The following TMC8 variants were observed in gnomAD, a reference collection of about 807,000 sequenced individuals.
TMC8 encodes transmembrane channel-like protein 8.
A neutral mutation model predicts 76.0 loss-of-function variants in TMC8; 71 were observed. The ratio of observed to expected loss-of-function variants is 0.93; its 90% confidence interval spans 0.77 to 1.14. The LOEUF (loss-of-function observed/expected upper bound fraction) is 1.14, where lower values mean the gene tolerates loss of function less well. Ranked by LOEUF, TMC8 falls within the 50% of genes most tolerant of loss-of-function variation. The pLI is 0.00. For missense variants in TMC8, 924 were observed against 947.9 expected, an observed-to-expected ratio of 0.97 and a Z score of 0.33; for synonymous variants, 433 against 433.8, an observed-to-expected ratio of 1.00 and a Z score of 0.02.
chr17:78,137,524 A>G (rs2075265740), intron 10 of TMC8, 166 bp downstream of exon 10: 8 of 1,310,028 alleles, frequency 6.1e-6, no homozygotes, highest in Non-Finnish European at 8.7e-6. Flanking sequence ...CTGCTGCCAC[A>G]TGGTGTAGTG....
chr17:78,131,843 G>C (rs1024333150), intron 2 of TMC8, 39 bp from the exon 3 acceptor site: 1 of 1,477,386 alleles, frequency 6.8e-7, no homozygotes, highest in South Asian at 1.3e-5. Flanking sequence ...TGGGCAGGGC[G>C]GGTGACTCAG....
At chr17:78,133,600 T>G in intron 6 of TMC8, 58 bp downstream of exon 6, 1 of 1,601,512 alleles carries the variant, frequency 6.2e-7, no homozygotes, top group Non-Finnish European at 8.5e-7. Flanking sequence ...TGATCACCCC[T>G]TCCTTGGCAG....
At chr17:78,131,789 G>A (rs1285738628) in intron 2 of TMC8, 52 bp downstream of exon 2, 1 of 1,542,520 alleles carries the variant, frequency 6.5e-7, no homozygotes, top group South Asian at 1.2e-5. Flanking sequence ...CTGCGAGGCT[G>A]CCCCGTCGGA....
rs1488855413 is a variant in TMC8, at chr17:78,131,999, G to A, written c.267G>A (p.Gly89=). ...CGCAGCGGCTGGCCCGGGGCCTTGGGCTCTGGGAGGGGGCGCTCTACGAGA... is the reference window on the plus strand; with the variant it reads ...CGCAGCGGCTGGCCCGGGGCCTTGGACTCTGGGAGGGGGCGCTCTACGAGA... ...EAAQRLARGL[G]LWEGALYEIG... The change falls in exon 3 of 16, where the codon GGG becomes GGA. Residue 89 remains glycine (G), a synonymous_variant. Transcript: ENST00000318430. 1 of 1,531,984 alleles carries A rather than the reference G, an allele frequency of 6.5e-7. No individual in the cohort carries two copies. The highest frequency in any genetic ancestry group is 1.4e-5 in the African/African-American group (1 of 72,880). The allele number at this position is 1,531,984 out of a possible 1,614,324, so 94.9% of individuals were successfully genotyped here. A position where few individuals can be genotyped will look rare whatever the true frequency, so the allele number is the denominator to read the frequency against.
At chr17:78,135,642 G>C (rs546033952) in intron 9 of TMC8, among the ~76,000 whole-genome samples, 2 of 152,148 alleles carry the variant, frequency 1.3e-5, no homozygotes, top group Admixed American at 6.5e-5. Flanking sequence ...AGAAATTCTT[G>C]TGTAAAGCCC....
chr17:78,131,753 G>A lies in TMC8; in HGVS notation c.149+16G>A, dbSNP rs1203713014. On this transcript the variant is annotated intron_variant, in intron 2 of 15. Coordinates refer to ENST00000318430, the MANE Select transcript of TMC8 (RefSeq NM_152468.5). ...GCCTCATCTGGTGGGTGCCACGCGG[G>A]CGCCAGACGGTGCGTGGGGGGGGTG... 6.4e-7 allele frequency: 1 copy of A among 1,573,804 alleles called. No homozygotes were observed. Among genetic ancestry groups the A allele is most frequent in the African/African-American group, 1.4e-5 (1 of 73,534 alleles).
chr17:78,130,791 G>A lies in TMC8; in HGVS notation c.-369G>A, dbSNP rs2074943942. On this transcript the variant is annotated 5_prime_UTR_variant, in exon 1 of 16. Transcript: ENST00000318430. ...TCTGGGCTCCCTCACCACCCTGCCT[G>A]GCTTGGCAGGAGTCGTCTGAGAAGG... 2 of 152,386 alleles carry A rather than the reference G, an allele frequency of 1.3e-5. No individual in the cohort carries two copies. Among genetic ancestry groups the A allele is most frequent in the Admixed American group, 6.5e-5 (1 of 15,300 alleles). The allele number at this position is 152,386 out of a possible 1,614,324, so 9.4% of individuals were successfully genotyped here. A position where few individuals can be genotyped will look rare whatever the true frequency, so the allele number is the denominator to read the frequency against.
intron 5 of TMC8, among the ~76,000 whole-genome samples, chr17:78,133,112 G>T (rs2075081275): frequency 6.7e-6 from 1 of 148,478 alleles, no homozygotes; most frequent in Non-Finnish European, 1.5e-5. Context: ...GGTGTAGGCG[G>T]TGCCAGGGAC....
In TMC8 at chr17:78,133,222, G is replaced by A. The variant is rs371243396; in HGVS notation, c.532-184G>A. Among the ~76,000 whole-genome samples the A allele has an allele frequency of 3.9e-5, 6 of 152,308 alleles. 1 individual carries two copies. The highest frequency in any genetic ancestry group is 1.4e-4 in the African/African-American group (6 of 41,554). On this transcript the variant is annotated intron_variant, in intron 5 of 15. Coordinates refer to ENST00000318430, the MANE Select transcript of TMC8 (RefSeq NM_152468.5). Reference sequence around the variant, plus strand: ...CCAATGGGGTTCCTGGGTTCCAGTCGTGGCTCTATTTCTCAAAGCCCTGTG... The same window carrying A: ...CCAATGGGGTTCCTGGGTTCCAGTCATGGCTCTATTTCTCAAAGCCCTGTG...
chr17:78,132,716 T>C, intron 4 of TMC8, 72 bp from the exon 5 acceptor site: 1 of 1,568,812 alleles, frequency 6.4e-7, no homozygotes, highest in Non-Finnish European at 8.8e-7. Flanking sequence ...TTGGGGGTTA[T>C]AGAGCAGTAG....
intron 7 of TMC8, 68 bp from the exon 8 acceptor site, chr17:78,134,326 T>A: frequency 6.4e-7 from 1 of 1,569,016 alleles, no homozygotes. Context: ...TGTGAGAGCG[T>A]TTCCTGCACC....
chr17:78,139,349 A>T (rs2075317042), intron 15 of TMC8, 109 bp downstream of exon 15: 1 of 1,247,272 alleles, frequency 8.0e-7, no homozygotes, highest in Non-Finnish European at 1.1e-6. Context: ...GGTTCTTCCC[A>T]CTGGAGGGCG....
intron 14 of TMC8, 171 bp downstream of exon 14, chr17:78,138,903 T>C (rs2075304533): frequency 2.0e-6 from 3 of 1,536,272 alleles, no homozygotes; most frequent in African/African-American, 1.4e-5. Context: ...TGGGCTGCCA[T>C]GGGGATTGCA....
At chr17:78,132,976 G>T in intron 5 of TMC8, 106 bp downstream of exon 5, 1 of 1,289,894 alleles carries the variant, frequency 7.8e-7, no homozygotes. Context: ...GGGACATTTC[G>T]GCTCCTCAGG....
intron 7 of TMC8, 115 bp downstream of exon 7, chr17:78,134,115 G>A (rs2075140655): frequency 6.7e-7 from 1 of 1,484,516 alleles, no homozygotes; most frequent in Non-Finnish European, 9.4e-7. Context: ...CAGTGTGTGT[G>A]AGCGTGTGTG....
In TMC8 at chr17:78,132,361, C is replaced by T. The variant is rs780579678; in HGVS notation, c.301C>T (p.Leu101Phe). The change falls in exon 4 of 16, where the codon CTC becomes TTC. Residue 101 changes from leucine (L) to phenylalanine (F), a missense_variant and splice_region_variant. Physicochemically the swap from Leu to Phe is conservative, Grantham distance 22. Transcript: ENST00000318430. ...WEGALYEIGG[L>F]FGTGIRSYFT... The stretch of plus-strand genomic sequence containing the variant: ...CCCACCCTGCTCTCCCACTGCAGGC[C>T]TCTTCGGCACAGGAATTCGGTCCTA... 2 of 1,612,964 alleles carry T rather than the reference C, an allele frequency of 1.2e-6. No homozygotes were observed. The highest frequency in any genetic ancestry group is 1.1e-5 in the South Asian group (1 of 91,022).
intron 2 of TMC8, 42 bp from the exon 3 acceptor site, chr17:78,131,840 G>A: frequency 6.8e-7 from 1 of 1,481,358 alleles, no homozygotes; most frequent in South Asian, 1.3e-5. Context: ...GGGTGGGCAG[G>A]GCGGGTGACT....
Position 78,137,740 on chromosome 17 carries a change from G to C in TMC8, c.1275G>C (p.Glu425Asp), listed in dbSNP as rs1254854576. The change falls in exon 11 of 16, where the codon GAG (glutamate) becomes GAC (aspartate). Residue 425 changes from glutamate (E) to aspartate (D), a missense_variant. Transcript: ENST00000318430. ...AGTGCTGGGAGAACTCCGTGGGGGA[G>C]GAGCTGTACAAGCTGAGTATCTTCA... ...DYQCWENSVG[E>D]ELYKLSIFNF... is the part of the protein sequence containing the mutation. The C allele has an allele frequency of 2.5e-6, 4 of 1,613,636 alleles. No homozygotes were observed. The Admixed American group carries it at 6.7e-5, about 27-fold the overall frequency.
intron 6 of TMC8, 136 bp from the exon 7 acceptor site, chr17:78,133,717 C>T: frequency 6.5e-7 from 1 of 1,526,784 alleles, no homozygotes; most frequent in South Asian, 1.2e-5. Flanking sequence ...GCCACCGCCC[C>T]CTACCCCGAC....
Sources: allele counts gnomAD v4.1 joint callset (sites outside exome capture counted in the v4.1 genomes callset), GRCh38; gene constraint gnomAD v4.1.1; transcripts MANE v1.5; gene names NCBI Gene and HGNC (gene_info 2026-07-23, HGNC 2026-07-21).